Variants in EPHA6 observed in about 807,000 individuals in gnomAD.
The protein encoded by EPHA6 is EPH receptor A6, also known as ephrin type-A receptor 6.
A neutral mutation model predicts 112.0 loss-of-function variants in EPHA6; 50 were observed. The ratio of observed to expected loss-of-function variants is 0.45; its 90% CI spans 0.36 to 0.56. The LOEUF is 0.56. Among genes scored for constraint, EPHA6 ranks in the 20% least tolerant of loss-of-function variants. The pLI is 0.00. For missense variants in EPHA6, 1,280 were observed against 1,417.4 expected (o/e 0.90, Z 1.56); for synonymous variants, 529 against 490.7 (o/e 1.08, Z -1.03).
At chr3:97,682,527 T>A (rs913421580) in intron 14 of EPHA6, among the ~76,000 whole-genome samples, 1 of 152,126 alleles carries the variant, frequency 6.6e-6, no homozygotes, top group Admixed American at 6.6e-5. Context: ...AATTTTACAA[T>A]GCTGAGCAAG....
intron 6 of EPHA6, among the ~76,000 whole-genome samples, chr3:97,411,920 T>C (rs1229877202): frequency 2.0e-5 from 3 of 152,036 alleles, no homozygotes; most frequent in Non-Finnish European, 4.4e-5. Flanking sequence ...CAGATTATTT[T>C]TTATATATTT....
intron 14 of EPHA6, among the ~76,000 whole-genome samples, chr3:97,713,761 G>A (rs1385646630): frequency 6.6e-6 from 1 of 152,172 alleles, no homozygotes; most frequent in Non-Finnish European, 1.5e-5. Context: ...AAACACACAG[G>A]AAAAGCAAGC....
intron 3 of EPHA6, among the ~76,000 whole-genome samples, chr3:97,211,047 G>A (rs943375952): frequency 1.3e-5 from 2 of 152,154 alleles, no homozygotes; most frequent in East Asian, 1.9e-4. Flanking sequence ...AGAATCAGAC[G>A]AAAGCTCTAT....
intron 3 of EPHA6, among the ~76,000 whole-genome samples, chr3:97,159,252 A>G (rs2076358532): frequency 6.6e-6 from 1 of 152,156 alleles, no homozygotes; most frequent in Non-Finnish European, 1.5e-5. Flanking sequence ...CTTGGTAGTC[A>G]GGATCAATCC....
chr3:97,363,770 A>T (rs566713259), intron 5 of EPHA6, among the ~76,000 whole-genome samples: 2 of 152,246 alleles, frequency 1.3e-5, no homozygotes, highest in South Asian at 2.1e-4. Context: ...CCATTAAAAG[A>T]TGAATGGATA....
chr3:96,931,013 A>G (rs2040292385), intron 2 of EPHA6, among the ~76,000 whole-genome samples: 1 of 147,642 alleles, frequency 6.8e-6, no homozygotes, highest in African/African-American at 2.5e-5. Flanking sequence ...AAAAAAAAAA[A>G]AAAAAAAAGA....
intron 11 of EPHA6, among the ~76,000 whole-genome samples, chr3:97,583,198 G>A (rs1575965892): frequency 6.6e-6 from 1 of 151,584 alleles, no homozygotes; most frequent in Admixed American, 6.6e-5. Context: ...GCTTAACAAC[G>A]CCTTAGCTGA....
intron 3 of EPHA6, among the ~76,000 whole-genome samples, chr3:97,187,292 T>C (rs374734162): frequency 6.6e-6 from 1 of 152,164 alleles, no homozygotes; most frequent in South Asian, 2.1e-4. Context: ...GAATGCCATA[T>C]ATAAGCCGGG....
At chr3:97,046,004 T>C (rs1227555058) in intron 3 of EPHA6, among the ~76,000 whole-genome samples, 2 of 152,082 alleles carry the variant, frequency 1.3e-5, no homozygotes, top group Non-Finnish European at 2.9e-5. Flanking sequence ...TAGGGAGGTA[T>C]TAAAGTCCTC....
intron 2 of EPHA6, among the ~76,000 whole-genome samples, chr3:96,917,480 C>G (rs1576026961): frequency 6.9e-6 from 1 of 145,790 alleles, no homozygotes; most frequent in Admixed American, 6.8e-5. Context: ...CTCTCCAGTA[C>G]AATTCCTAAT....
At chr3:97,127,187 C>T (rs2048205965) in intron 3 of EPHA6, among the ~76,000 whole-genome samples, 3 of 152,082 alleles carry the variant, frequency 2.0e-5, no homozygotes, top group Admixed American at 2.0e-4. Flanking sequence ...GAGTGGACAG[C>T]AGTCAGGGAG....
chr3:97,086,775 G>A (rs2046914806), intron 3 of EPHA6, among the ~76,000 whole-genome samples: 1 of 151,560 alleles, frequency 6.6e-6, no homozygotes, highest in Admixed American at 6.6e-5. Context: ...TTTGTACATG[G>A]GAATTTATTA....
At chr3:97,022,792 A>G (rs1345169029) in intron 3 of EPHA6, among the ~76,000 whole-genome samples, 1 of 152,160 alleles carries the variant, frequency 6.6e-6, no homozygotes. Context: ...GCTGGTCAAG[A>G]TTCAAATCCA....
intron 5 of EPHA6, among the ~76,000 whole-genome samples, chr3:97,293,563 G>A (rs777904677): frequency 2.6e-4 from 39 of 152,234 alleles, no homozygotes; most frequent in African/African-American, 7.2e-4. Flanking sequence ...GCAGGTAGTC[G>A]TGACATCTGT....
Position 97,738,449 on chromosome 3 carries a change from CCTT to C in EPHA6, c.3128+2335_3128+2337del, listed in dbSNP as rs1446888268. Among the ~76,000 whole-genome samples, 16 of 152,186 alleles carry C rather than the reference CCTT, an allele frequency of 1.1e-4. No individual in the cohort carries two copies. The East Asian group carries it at 2.3e-3, about 22-fold the overall frequency. ...TAGCTATAGAAGCAGGATGTAAAAA[CCTT>C]CTTTTTGAAGAAAAGCAGATAAAAC... is the stretch of plus-strand genomic sequence containing the variant. On this transcript the variant is annotated intron_variant, in intron 16 of 17. Transcript: ENST00000389672.
intron 10 of EPHA6, among the ~76,000 whole-genome samples, chr3:97,490,231 A>C (rs958843288): frequency 4.6e-5 from 7 of 152,318 alleles, no homozygotes; most frequent in African/African-American, 1.7e-4. Flanking sequence ...ACAATATAAA[A>C]TTAATTGCAT....
At chr3:96,918,928 C>T (rs1170205682) in intron 2 of EPHA6, among the ~76,000 whole-genome samples, 1 of 151,918 alleles carries the variant, frequency 6.6e-6, no homozygotes, top group Admixed American at 6.6e-5. Flanking sequence ...ATATCACTGA[C>T]ACTGTAATAT....
Position 97,614,280 on chromosome 3 carries a change from T to A in EPHA6, c.2574+3426T>A, listed in dbSNP as rs564254700. 3.9e-5 allele frequency among the ~76,000 whole-genome samples: 6 copies of A among 151,982 alleles called. No homozygotes were observed. The East Asian group carries it at 7.7e-4, about 20-fold the overall frequency. Reference sequence around the variant, plus strand: ...GTTATACCAAAATATAATACTAAATTTACTACTGGTTTCAGTGCAAGATGG... The same window carrying A: ...GTTATACCAAAATATAATACTAAATATACTACTGGTTTCAGTGCAAGATGG... On this transcript the variant is annotated intron_variant, in intron 13 of 17. Coordinates refer to ENST00000389672, the MANE Select transcript of EPHA6 (RefSeq NM_001080448.3).
chr3:96,841,202 A>G (rs932196466), intron 1 of EPHA6, among the ~76,000 whole-genome samples: 3 of 152,104 alleles, frequency 2.0e-5, no homozygotes, highest in Admixed American at 1.3e-4. Flanking sequence ...CTTCCAGGTA[A>G]TAGGTAGAAA....
Sources: allele counts gnomAD v4.1 joint callset (sites outside exome capture counted in the v4.1 genomes callset), GRCh38; gene constraint gnomAD v4.1.1; transcripts MANE v1.5; gene names NCBI Gene and HGNC (gene_info 2026-07-23, HGNC 2026-07-21).